Variants in CEP128 observed in about 807,000 individuals in gnomAD.
The protein encoded by CEP128 is centrosomal protein 128kDa.
CEP128 carries 132 observed loss-of-function variants against 156.7 expected under a neutral mutation model. The ratio of observed to expected loss-of-function variants is 0.84; its 90% CI spans 0.73 to 0.97. CEP128 has a LOEUF of 0.97. Among genes scored for constraint, CEP128 ranks in the 50% least tolerant of loss-of-function variants. CEP128 has a pLI of 0.00. For missense variants in CEP128, 1,252 were observed against 1,281.9 expected, an observed-to-expected ratio of 0.98 and a Z score of 0.36; for synonymous variants, 469 against 448.9, an observed-to-expected ratio of 1.04 and a Z score of -0.57.
At chr14:80,795,112 G>T (rs1414095520) in intron 13 of CEP128, among the ~76,000 whole-genome samples, 1 of 152,176 alleles carries the variant, frequency 6.6e-6, no homozygotes, top group Non-Finnish European at 1.5e-5. Context: ...ATTTGGACCT[G>T]GATAGTCTGC....
intron 19 of CEP128, among the ~76,000 whole-genome samples, chr14:80,585,069 A>G (rs1376485260): frequency 1.3e-5 from 2 of 152,206 alleles, no homozygotes; most frequent in Non-Finnish European, 2.9e-5. Context: ...AGCCCTGTGT[A>G]TTTTCCTTGG....
At position 80,869,682 on chromosome 14, in the gene CEP128, T is replaced by C. The variant is rs1379706164; in HGVS notation, c.646-6809A>G. ...CAGTTGTTTGGGTAAACTTTTATTT[T>C]AGGTTCAGGGGTACATGGGCAGGTT... On this transcript the variant is annotated intron_variant, in intron 8 of 24. Transcript: ENST00000555265. Among the ~76,000 whole-genome samples, 4 of 152,032 alleles carry C rather than the reference T, an allele frequency of 2.6e-5. No homozygotes were observed. In the East Asian group the frequency reaches 7.7e-4, roughly 29 times the overall value.
intron 13 of CEP128, among the ~76,000 whole-genome samples, chr14:80,806,125 T>C (rs984582014): frequency 8.5e-5 from 13 of 152,294 alleles, no homozygotes; most frequent in Admixed American, 3.9e-4. Context: ...ATTTTCTTTT[T>C]GCCAAATGGA....
At chr14:80,733,271 G>A (rs1393072844) in intron 19 of CEP128, among the ~76,000 whole-genome samples, 1 of 151,780 alleles carries the variant, frequency 6.6e-6, no homozygotes, top group African/African-American at 2.4e-5. Flanking sequence ...TATACCATAG[G>A]TGCTCTTGGG....
intron 13 of CEP128, among the ~76,000 whole-genome samples, chr14:80,810,295 CCTGG>C (rs1884436116): frequency 8.6e-6 from 1 of 115,962 alleles, no homozygotes; most frequent in Non-Finnish European, 1.7e-5. Context: ...TGCACTCCAG[CCTGG>C]GCGACAGAGC....
Position 80,895,714 on chromosome 14 carries a change from T to G in CEP128, c.645+4A>C. ...AAAACTTTTTATTAAAAAAGAGATCTCACCACTTCTTGTTTCTGGGCTTCA... is the reference window on the plus strand; with the variant it reads ...AAAACTTTTTATTAAAAAAGAGATCGCACCACTTCTTGTTTCTGGGCTTCA... On this transcript the variant is annotated splice_donor_region_variant and intron_variant, in intron 8 of 24. Transcript: ENST00000555265. 1 of 1,544,742 alleles carries G rather than the reference T, an allele frequency of 6.5e-7. No individual in the cohort carries two copies. Among genetic ancestry groups the G allele is most frequent in the Non-Finnish European group, 8.7e-7 (1 of 1,145,290 alleles).
rs968162614 is a variant in CEP128, at chr14:80,534,594, G to C, written c.2881-3708C>G. Among the ~76,000 whole-genome samples the C allele has an allele frequency of 5.9e-5, 9 of 152,172 alleles. 1 individual carries two copies. Among genetic ancestry groups the C allele is most frequent in the African/African-American group, 9.6e-5 (4 of 41,452 alleles). On this transcript the variant is annotated intron_variant, in intron 21 of 24. Coordinates refer to ENST00000555265, the MANE Select transcript of CEP128 (RefSeq NM_152446.5). ...TAATCCCAACACTTTGGGAGTCCGA[G>C]GCGGGTGGATCATGAGGTCAGGAGA...
chr14:80,772,060 G>A (rs1293887409), intron 16 of CEP128, among the ~76,000 whole-genome samples: 1 of 152,012 alleles, frequency 6.6e-6, no homozygotes, highest in African/African-American at 2.4e-5. Context: ...ATGTTTTTTG[G>A]AATTACTGAT....
chr14:80,763,336 A>C (rs1421439297), intron 16 of CEP128, among the ~76,000 whole-genome samples: 1 of 152,128 alleles, frequency 6.6e-6, no homozygotes, highest in African/African-American at 2.4e-5. Flanking sequence ...CTCCCTACCA[A>C]TTAATACATC....
At chr14:80,710,602 A>G (rs1177556830) in intron 19 of CEP128, among the ~76,000 whole-genome samples, 1 of 152,270 alleles carries the variant, frequency 6.6e-6, no homozygotes, top group South Asian at 2.1e-4. Flanking sequence ...ACAACTGAAT[A>G]TAAAGCAAGT....
At chr14:80,778,918 T>C (rs925659943) in intron 15 of CEP128, among the ~76,000 whole-genome samples, 17 of 152,316 alleles carry the variant, frequency 1.1e-4, no homozygotes, top group East Asian at 9.7e-4. Flanking sequence ...TAAGGTATTA[T>C]GATTGTCCTT....
intron 19 of CEP128, among the ~76,000 whole-genome samples, chr14:80,719,697 GTTT>G (rs1897742230): frequency 6.6e-6 from 1 of 152,050 alleles, no homozygotes; most frequent in Admixed American, 6.6e-5. Context: ...ACCCCAATGA[GTTT>G]TTATTACAAT....
intron 13 of CEP128, among the ~76,000 whole-genome samples, chr14:80,820,955 C>T (rs756457492): frequency 1.3e-5 from 2 of 151,822 alleles, no homozygotes; most frequent in Non-Finnish European, 2.9e-5. Flanking sequence ...AAGTAAAGTA[C>T]TAGAAATTAA....
chr14:80,914,246 C>G, intron 4 of CEP128, 76 bp downstream of exon 4: 1 of 997,528 alleles, frequency 1.0e-6, no homozygotes, highest in Non-Finnish European at 1.6e-6. Flanking sequence ...TCCTTTAGCT[C>G]ACAGCCCCAT....
At chr14:80,828,288 A>G (rs1885594067) in intron 13 of CEP128, among the ~76,000 whole-genome samples, 1 of 151,760 alleles carries the variant, frequency 6.6e-6, no homozygotes, top group African/African-American at 2.4e-5. Flanking sequence ...ACACCTGGCT[A>G]ATTTTTGTAC....
Position 80,743,114 on chromosome 14 carries a change from G to A in CEP128, c.2767C>T (p.Gln923Ter). ...LQCLFQQIERQEQLLDEIHRE... is the reference protein window; with the variant it reads ...LQCLFQQIER ...TGTATTTCATCCAGAAGCTGCTCCT[G>A]CCTTTCTATCTGTTGAAAGAGACAC... Residue 923 changes from glutamine (Q) to a stop codon, truncating the protein, a stop_gained, in exon 19 of 25, where the codon CAG becomes TAG. Transcript: ENST00000555265. LOFTEE classifies it high-confidence loss of function. 1 of 1,613,692 alleles carries A rather than the reference G, an allele frequency of 6.2e-7. No individual in the cohort carries two copies. Among genetic ancestry groups the A allele is most frequent in the Non-Finnish European group, 8.5e-7 (1 of 1,179,810 alleles).
intron 19 of CEP128, among the ~76,000 whole-genome samples, chr14:80,731,140 G>C (rs745436548): frequency 1.2e-4 from 18 of 152,128 alleles, no homozygotes; most frequent in Non-Finnish European, 1.2e-4. Context: ...AAAGTTCAGG[G>C]AAGAGGTCCC....
intron 16 of CEP128, 41 bp from the exon 17 acceptor site, chr14:80,761,654 A>C (rs781392285): frequency 2.1e-6 from 3 of 1,414,810 alleles, no homozygotes; most frequent in Middle Eastern, 1.9e-4. Context: ...ATTACTATTA[A>C]GTGGAGGCAA....
chr14:80,607,360 G>A (rs1165481796), intron 19 of CEP128, among the ~76,000 whole-genome samples: 4 of 152,044 alleles, frequency 2.6e-5, no homozygotes, highest in Non-Finnish European at 4.4e-5. Flanking sequence ...AAACAAAAGC[G>A]AATGTAAAAT....
Sources: allele counts gnomAD v4.1 joint callset (sites outside exome capture counted in the v4.1 genomes callset), GRCh38; gene constraint gnomAD v4.1.1; transcripts MANE v1.5; gene names NCBI Gene and HGNC (gene_info 2026-07-23, HGNC 2026-07-21).